The following ATP11A variants were observed in gnomAD, a reference collection of about 807,000 sequenced individuals.
ATP11A encodes the protein ATPase phospholipid transporting 11A.
ATP11A carries 81 observed loss-of-function variants against 154.4 expected under a neutral mutation model. The observed-to-expected ratio is 0.52, with a 90% CI of 0.44 to 0.63. The LOEUF is 0.63. Ranked by LOEUF, ATP11A falls within the 30% of genes least tolerant of loss-of-function variation. ATP11A has a pLI of 0.00. For missense variants in ATP11A, 1,316 were observed against 1,474.3 expected (o/e 0.89, Z 1.76); for synonymous variants, 623 against 585.9 (o/e 1.06, Z -0.91).
intron 1 of ATP11A, among the ~76,000 whole-genome samples, chr13:112,729,927 A>G (rs770533239): frequency 1.3e-5 from 2 of 152,230 alleles, no homozygotes; most frequent in African/African-American, 2.4e-5. Context: ...CAGGGCTTAG[A>G]TGTAACAGTA....
chr13:112,752,232 G>T (rs904089680), intron 1 of ATP11A, among the ~76,000 whole-genome samples: 1 of 152,230 alleles, frequency 6.6e-6, no homozygotes, highest in African/African-American at 2.4e-5. Context: ...AGTGACGGCG[G>T]CTGTGTCAGG....
rs374100056 is a variant in ATP11A, at chr13:112,851,236, A to G, written c.1991+18A>G. 1.6e-5 allele frequency: 25 copies of G among 1,604,622 alleles called. No individual in the cohort carries two copies. The African/African-American group carries it at 1.9e-4, about 12-fold the overall frequency. ...GAGGACCGGTAAAGTAAACGCATGC[A>G]TCCCGTCCTGAGAGACAAACTGGGA... is the stretch of plus-strand genomic sequence containing the variant. On this transcript the variant is annotated intron_variant, in intron 18 of 29. Coordinates refer to ENST00000375645, the MANE Select transcript of ATP11A (RefSeq NM_015205.3).
intron 2 of ATP11A, among the ~76,000 whole-genome samples, chr13:112,788,575 C>CA (rs552529335): frequency 5.3e-5 from 8 of 150,588 alleles, no homozygotes; most frequent in African/African-American, 1.7e-4. Flanking sequence ...TAATTCACAC[C>CA]TGTGTCCTGA....
chr13:112,863,602 C>T (rs944476982), intron 25 of ATP11A, among the ~76,000 whole-genome samples: 2 of 150,648 alleles, frequency 1.3e-5, no homozygotes, highest in African/African-American at 4.9e-5. Context: ...TGCAGCTTCT[C>T]AGCGGGGTCC....
chr13:112,822,628 T>C (rs1038185252), intron 8 of ATP11A, among the ~76,000 whole-genome samples: 5 of 151,804 alleles, frequency 3.3e-5, no homozygotes, highest in African/African-American at 1.2e-4. Context: ...GATGCCCAAC[T>C]GTAATCTCAG....
intron 1 of ATP11A, among the ~76,000 whole-genome samples, chr13:112,736,439 C>T (rs990584076): frequency 1.3e-5 from 2 of 152,256 alleles, no homozygotes; most frequent in East Asian, 3.9e-4. Flanking sequence ...TTTCCTCCTG[C>T]GGTAGCATCT....
At chr13:112,858,518 C>T (rs745975923) in intron 22 of ATP11A, 43 of 450,092 alleles carry the variant, frequency 9.6e-5, no homozygotes, top group African/African-American at 6.3e-4. Context: ...AAATATCAAA[C>T]GCAAAATTGC....
intron 2 of ATP11A, among the ~76,000 whole-genome samples, chr13:112,798,099 C>T (rs138643478): frequency 0.012 from 1,801 of 152,196 alleles, 40 homozygotes; most frequent in African/African-American, 0.04. Context: ...CTCCCTCTGC[C>T]GAGCCCTTTT....
At position 112,857,998 on chromosome 13, in the gene ATP11A, C is replaced by T. The variant is rs2079981302; in HGVS notation, c.2521+78C>T. On this transcript the variant is annotated intron_variant, in intron 21 of 29. Coordinates refer to ENST00000375645, the MANE Select transcript of ATP11A (RefSeq NM_015205.3). ...CTAGACAAAGGCCCATGGCAGCACG[C>T]AGGTGCATTCAGGACACCCCCGTCA... 50 of 1,558,792 alleles carry T rather than the reference C, an allele frequency of 3.2e-5. 1 individual carries two copies. The South Asian group carries it at 5.5e-4, about 17-fold the overall frequency.
intron 17 of ATP11A, among the ~76,000 whole-genome samples, chr13:112,845,464 T>C (rs538168574): frequency 8.5e-6 from 1 of 118,222 alleles, no homozygotes; most frequent in South Asian, 2.4e-4. Flanking sequence ...CTAGCGGTAC[T>C]ATTCAGTCCA....
chr13:112,863,584 G>A (rs1279067666), intron 25 of ATP11A, among the ~76,000 whole-genome samples: 3 of 149,196 alleles, frequency 2.0e-5, no homozygotes, highest in Non-Finnish European at 4.4e-5. Flanking sequence ...GTAATTCAGT[G>A]CGGCCCATGC....
intron 1 of ATP11A, among the ~76,000 whole-genome samples, chr13:112,711,603 C>G (rs1322017634): frequency 6.6e-6 from 1 of 151,834 alleles, no homozygotes; most frequent in Non-Finnish European, 1.5e-5. Context: ...GGGCTCTGGA[C>G]TGGGAGGGGC....
intron 9 of ATP11A, among the ~76,000 whole-genome samples, 186 bp downstream of exon 9, chr13:112,823,595 A>G (rs2078857457): frequency 6.6e-6 from 1 of 152,272 alleles, no homozygotes; most frequent in South Asian, 2.1e-4. Flanking sequence ...AAGCAGCAGC[A>G]TCAGAGAATA....
chr13:112,712,740 C>T (rs1452023103), intron 1 of ATP11A, among the ~76,000 whole-genome samples: 1 of 152,162 alleles, frequency 6.6e-6, no homozygotes, highest in Non-Finnish European at 1.5e-5. Flanking sequence ...GGGCCAGTTC[C>T]AGCCAGGGTG....
chr13:112,862,036 G>A (rs866854207), intron 24 of ATP11A, among the ~76,000 whole-genome samples: 12 of 152,152 alleles, frequency 7.9e-5, no homozygotes, highest in African/African-American at 1.7e-4. Flanking sequence ...CACGTCAGGC[G>A]TAAGGTGTCA....
At chr13:112,784,415 C>T (rs565535614) in intron 1 of ATP11A, among the ~76,000 whole-genome samples, 3 of 152,304 alleles carry the variant, frequency 2.0e-5, no homozygotes, top group Non-Finnish European at 2.9e-5. Flanking sequence ...AGTCAAGTCC[C>T]GCCTTCTACC....
intron 2 of ATP11A, among the ~76,000 whole-genome samples, chr13:112,795,841 A>G (rs2077986047): frequency 6.6e-6 from 1 of 152,252 alleles, no homozygotes; most frequent in South Asian, 2.1e-4. Flanking sequence ...AATGTTTGCC[A>G]AGTTGTATAC....
intron 1 of ATP11A, among the ~76,000 whole-genome samples, chr13:112,774,524 C>G (rs752512056): frequency 2.6e-5 from 4 of 152,174 alleles, no homozygotes; most frequent in Non-Finnish European, 4.4e-5. Flanking sequence ...TTCCAACTTA[C>G]AAATTGCAAA....
chr13:112,799,525 G>A (rs1447020361), intron 2 of ATP11A, among the ~76,000 whole-genome samples: 1 of 152,146 alleles, frequency 6.6e-6, no homozygotes, highest in Non-Finnish European at 1.5e-5. Flanking sequence ...AGGGTGGGGA[G>A]GTCATGAGAC....
Sources: gnomAD v4.1 joint callset for allele counts (sites outside exome capture counted in the v4.1 genomes callset) on GRCh38, gnomAD v4.1.1 for gene constraint, MANE v1.5 for transcripts, NCBI Gene and HGNC (gene_info 2026-07-23, HGNC 2026-07-21) for gene names.